Variants in ADGB observed in about 807,000 individuals in gnomAD.
The protein encoded by ADGB is androglobin, also known as calpain-7-like protein.
Under a neutral mutation model 210.5 loss-of-function variants are expected in ADGB, and 172 were observed. The ratio of observed to expected loss-of-function variants is 0.82; its 90% CI spans 0.72 to 0.93. ADGB has a LOEUF of 0.93. Ranked by LOEUF, ADGB falls within the 40% of genes least tolerant of loss-of-function variation. ADGB has a pLI of 0.00. For missense variants in ADGB, 2,025 were observed against 1,964.8 expected (o/e 1.03, Z -0.58); for synonymous variants, 658 against 662.7 (o/e 0.99, Z 0.11).
chr6:146,808,940 G>A (rs146542210), intron 35 of ADGB, among the ~76,000 whole-genome samples: 1,972 of 152,076 alleles, frequency 0.013, 29 homozygotes, highest in African/African-American at 0.025. Context: ...GGACCAAGTG[G>A]CCATTGCGAT....
chr6:146,812,729 T>C (rs1239686190), intron 35 of ADGB, among the ~76,000 whole-genome samples: 6 of 152,076 alleles, frequency 3.9e-5, no homozygotes, highest in African/African-American at 1.4e-4. Context: ...AGGTGCTAGA[T>C]TTGGATTGCA....
In ADGB at chr6:146,689,945, AG is replaced by A. The variant is rs1173354060; in HGVS notation, c.1312-1168del. Among the ~76,000 whole-genome samples, 6 of 152,316 alleles carry A rather than the reference AG, an allele frequency of 3.9e-5. No homozygotes were observed. In the East Asian group the frequency reaches 1.2e-3, roughly 29 times the overall value. On this transcript the variant is annotated intron_variant, in intron 10 of 35. Coordinates refer to ENST00000397944, the MANE Select transcript of ADGB (RefSeq NM_024694.4). ...TAGTTAAGTTGCTAAAATATACCAA[AG>A]GGATAAAAAGAAAATGACAGTTTCC...
chr6:146,773,625 T>C (rs1777684620), intron 29 of ADGB, among the ~76,000 whole-genome samples: 1 of 152,200 alleles, frequency 6.6e-6, no homozygotes, highest in Non-Finnish European at 1.5e-5. Flanking sequence ...GTTTTACAGA[T>C]GAAGAAATGA....
At chr6:146,703,748 A>G (rs1776527420) in intron 13 of ADGB, among the ~76,000 whole-genome samples, 1 of 151,924 alleles carries the variant, frequency 6.6e-6, no homozygotes, top group South Asian at 2.1e-4. Flanking sequence ...CTTTGTGAAT[A>G]ATGCTATAAT....
chr6:146,665,558 T>G (rs1437962978), intron 6 of ADGB, among the ~76,000 whole-genome samples: 1 of 152,112 alleles, frequency 6.6e-6, no homozygotes, highest in African/African-American at 2.4e-5. Context: ...TCAGAGCTGC[T>G]AGAGCAGTGA....
At chr6:146,735,198 T>C (rs1777060929) in intron 22 of ADGB, among the ~76,000 whole-genome samples, 1 of 152,184 alleles carries the variant, frequency 6.6e-6, no homozygotes, top group South Asian at 2.1e-4. Context: ...ACATATGCAT[T>C]CGTCAAACTC....
At chr6:146,703,093 T>A (rs1776515599) in intron 13 of ADGB, among the ~76,000 whole-genome samples, 1 of 151,916 alleles carries the variant, frequency 6.6e-6, no homozygotes, top group African/African-American at 2.4e-5. Context: ...TGCTGTGCAA[T>A]GCCTGCTTAT....
intron 2 of ADGB, among the ~76,000 whole-genome samples, chr6:146,637,078 A>T (rs1775434677): frequency 6.6e-6 from 1 of 152,064 alleles, no homozygotes; most frequent in Non-Finnish European, 1.5e-5. Flanking sequence ...CACTGATAAG[A>T]AAAATAATGT....
At position 146,756,146 on chromosome 6, in the gene ADGB, A is replaced by C. The variant is rs528526917; in HGVS notation, c.3550+3432A>C. 9.9e-5 allele frequency among the ~76,000 whole-genome samples: 15 copies of C among 152,188 alleles called. 1 individual carries two copies. The East Asian group carries it at 1.5e-3, about 16-fold the overall frequency. ...ATCTTACACAGGCTTCAGTAGTTTG[A>C]GTCTCTGTCTTTTCCCAGTCCAGTG... On this transcript the variant is annotated intron_variant, in intron 27 of 35. Coordinates refer to ENST00000397944, the MANE Select transcript of ADGB (RefSeq NM_024694.4).
chr6:146,610,943 G>A (rs757876167), intron 1 of ADGB, among the ~76,000 whole-genome samples: 2 of 152,038 alleles, frequency 1.3e-5, no homozygotes, highest in East Asian at 3.9e-4. Context: ...GGGGTGATGG[G>A]GTCTGCATGT....
At chr6:146,809,454 C>G (rs550592967) in intron 35 of ADGB, among the ~76,000 whole-genome samples, 2 of 152,032 alleles carry the variant, frequency 1.3e-5, no homozygotes, top group African/African-American at 4.8e-5. Context: ...GATCCACCCC[C>G]CTCGGCCTCC....
chr6:146,712,069 T>A (rs988841538), intron 13 of ADGB, among the ~76,000 whole-genome samples: 34 of 148,142 alleles, frequency 2.3e-4, no homozygotes, highest in African/African-American at 7.4e-4. Context: ...AAAAAAAAAA[T>A]GACATTCTGA....
intron 35 of ADGB, chr6:146,803,440 G>C (rs1451699168): frequency 6.2e-7 from 1 of 1,607,872 alleles, no homozygotes; most frequent in Non-Finnish European, 8.5e-7. Context: ...CCACCTTCCA[G>C]GGGGCTGTTT....
chr6:146,654,087 TTTA>T (rs1562265748), intron 3 of ADGB, 45 bp from the exon 4 acceptor site: 1 of 1,239,210 alleles, frequency 8.1e-7, no homozygotes, highest in African/African-American at 1.5e-5. Context: ...AAATTACTTT[TTTA>T]TTATTTTTCT....
intron 2 of ADGB, among the ~76,000 whole-genome samples, chr6:146,643,262 A>G (rs915753053): frequency 6.6e-6 from 1 of 151,358 alleles, no homozygotes; most frequent in African/African-American, 2.4e-5. Context: ...ATATATACTT[A>G]TAATGTTCAA....
chr6:146,696,091 T>C (rs553268357), intron 12 of ADGB, among the ~76,000 whole-genome samples: 9 of 152,078 alleles, frequency 5.9e-5, no homozygotes, highest in South Asian at 2.1e-4. Context: ...TTTTTTTTTT[T>C]CCCGAGATGG....
chr6:146,694,563 C>G (rs1040168341), intron 12 of ADGB, among the ~76,000 whole-genome samples: 7 of 152,270 alleles, frequency 4.6e-5, no homozygotes, highest in African/African-American at 1.7e-4. Flanking sequence ...CTTCCTTCCC[C>G]TTCATCTAGC....
intron 1 of ADGB, among the ~76,000 whole-genome samples, chr6:146,609,265 G>T (rs1297131447): frequency 1.3e-5 from 2 of 152,124 alleles, no homozygotes; most frequent in Non-Finnish European, 2.9e-5. Flanking sequence ...GGTTGTCATT[G>T]CATGTGATAT....
intron 33 of ADGB, among the ~76,000 whole-genome samples, chr6:146,797,912 T>C (rs530403709): frequency 1.2e-4 from 18 of 149,876 alleles, no homozygotes; most frequent in Non-Finnish European, 2.4e-4. Flanking sequence ...AAAAACCTAT[T>C]GATAATACAT....
Sources: allele counts gnomAD v4.1 joint callset (sites outside exome capture counted in the v4.1 genomes callset), GRCh38; gene constraint gnomAD v4.1.1; transcripts MANE v1.5; gene names NCBI Gene and HGNC (gene_info 2026-07-23, HGNC 2026-07-21).